PEX7: variants seen among roughly 807,000 people sequenced by gnomAD.
The protein encoded by PEX7 is peroxisomal biogenesis factor 7.
A neutral mutation model predicts 47.5 loss-of-function variants in PEX7; 34 were observed. The ratio of observed to expected loss-of-function variants is 0.72; its 90% CI spans 0.54 to 0.95. The LOEUF (loss-of-function observed/expected upper bound fraction) is 0.95, where lower values mean the gene tolerates loss of function less well. Among genes scored for constraint, PEX7 ranks in the 40% least tolerant of loss-of-function variants. PEX7 has a pLI of 0.00. For missense variants in PEX7, 394 were observed against 400.3 expected (o/e 0.98, Z 0.13); for synonymous variants, 141 against 148.8 (o/e 0.95, Z 0.38).
In PEX7 at chr6:136,900,792, C is replaced by T. The variant is rs1246354808; in HGVS notation, c.903+2551C>T. 2 of 328,434 alleles carry T rather than the reference C, an allele frequency of 6.1e-6. No homozygotes were observed. The highest frequency in any genetic ancestry group is 8.2e-5 in the Admixed American group (2 of 24,268). The allele number at this position is 328,434 out of a possible 1,614,324, so 20.3% of individuals were successfully genotyped here. ...CAGGTGGTCTCTTAGTGGGGACATC[C>T]CCTTTGCCAACAGCTTTCTTCTCAG... is the stretch of plus-strand genomic sequence containing the variant. On this transcript the variant is annotated intron_variant, in intron 9 of 9. Transcript: ENST00000318471. The surrounding 1 kb of genome is among the most constrained non-coding windows in gnomAD (Gnocchi z 4.2).
intron 3 of PEX7, among the ~76,000 whole-genome samples, chr6:136,832,547 A>G (rs1222563849): frequency 6.6e-6 from 1 of 152,182 alleles, no homozygotes; most frequent in African/African-American, 2.4e-5. Context: ...TTTCTTTTCT[A>G]CCTCATGGTT....
intron 8 of PEX7, 25 bp downstream of exon 8, chr6:136,872,278 A>G (rs1206518957): frequency 2.5e-6 from 4 of 1,570,684 alleles, no homozygotes; most frequent in Non-Finnish European, 3.5e-6. Context: ...AATACATTTC[A>G]TTGTGAAATA....
chr6:136,831,719 G>A (rs144428497), intron 3 of PEX7, among the ~76,000 whole-genome samples: 7,021 of 152,342 alleles, frequency 0.046, 192 homozygotes, highest in African/African-American at 0.087. Flanking sequence ...AAACAAAGGG[G>A]CCACAGGCCC....
intron 8 of PEX7, among the ~76,000 whole-genome samples, chr6:136,880,373 A>T (rs1775355450): frequency 6.6e-6 from 1 of 152,100 alleles, no homozygotes; most frequent in Non-Finnish European, 1.5e-5. Flanking sequence ...AATCTTTATT[A>T]TGCCTTTTTC....
intron 9 of PEX7, among the ~76,000 whole-genome samples, chr6:136,898,700 C>A (rs1366413480): frequency 1.3e-5 from 2 of 152,116 alleles, no homozygotes; most frequent in African/African-American, 2.4e-5. Context: ...TGATGGAGAA[C>A]AAGTAAAATA....
chr6:136,856,576 C>T (rs1383510706), intron 5 of PEX7, among the ~76,000 whole-genome samples: 1 of 152,170 alleles, frequency 6.6e-6, no homozygotes. Flanking sequence ...CATTTTCTGT[C>T]ATGGGCTCTG....
At position 136,900,541 on chromosome 6, in the gene PEX7, C is replaced by A; in HGVS notation, c.903+2300C>A. On this transcript the variant is annotated intron_variant, in intron 9 of 9. Coordinates refer to ENST00000318471, the MANE Select transcript of PEX7 (RefSeq NM_000288.4). This position sits in a 1 kb window ranked among gnomAD's most constrained non-coding sequence, Gnocchi z 4.2. ...AGCTTCCACCATCTTAGCCAAAGCCCTTTTGTCTTCCGAGTTAATCTGTGT... is the reference window on the plus strand; with the variant it reads ...AGCTTCCACCATCTTAGCCAAAGCCATTTTGTCTTCCGAGTTAATCTGTGT... The A allele has an allele frequency of 4.4e-6, 2 of 457,524 alleles. No individual in the cohort carries two copies. The highest frequency in any genetic ancestry group is 1.3e-4 in the East Asian group (2 of 15,498). The allele number at this position is 457,524 out of a possible 1,614,324, so 28.3% of individuals were successfully genotyped here.
At chr6:136,835,559 T>A (rs139853101) in intron 3 of PEX7, among the ~76,000 whole-genome samples, 2,792 of 152,248 alleles carry the variant, frequency 0.018, 94 homozygotes, top group African/African-American at 0.064. Context: ...AGTGCTAGGA[T>A]TACAGGCGTG....
chr6:136,900,613 C>A lies in PEX7; in HGVS notation c.903+2372C>A. ...CATCCTGTGAACCAGTCTTGCCTTT[C>A]CCTTGACAGCGCAGTCAGGGACCCC... On this transcript the variant is annotated intron_variant, in intron 9 of 9. Transcript: ENST00000318471. This position sits in a 1 kb window ranked among gnomAD's most constrained non-coding sequence, Gnocchi z 4.2. The A allele has an allele frequency of 2.8e-6, 1 of 355,696 alleles. No individual in the cohort carries two copies. Among genetic ancestry groups the A allele is most frequent in the Non-Finnish European group, 5.5e-6 (1 of 181,858 alleles). 22.0% of individuals were successfully genotyped at this position (355,696 alleles called of 1,614,324 possible).
intron 3 of PEX7, among the ~76,000 whole-genome samples, chr6:136,843,710 T>A (rs1287023767): frequency 1.3e-5 from 2 of 152,202 alleles, no homozygotes; most frequent in Non-Finnish European, 2.9e-5. Flanking sequence ...CTTTTTTCTA[T>A]CCATAACTAA....
chr6:136,857,053 A>G (rs931597858), intron 5 of PEX7, among the ~76,000 whole-genome samples: 15 of 152,222 alleles, frequency 9.9e-5, no homozygotes, highest in South Asian at 2.1e-4. Flanking sequence ...AAAAGATTCA[A>G]AGTTCTTCTT....
At chr6:136,857,476 T>C (rs1774880919) in intron 5 of PEX7, among the ~76,000 whole-genome samples, 1 of 152,220 alleles carries the variant, frequency 6.6e-6, no homozygotes, top group African/African-American at 2.4e-5. Context: ...ACAGATGGAG[T>C]TCCTGCACTC....
intron 9 of PEX7, among the ~76,000 whole-genome samples, chr6:136,907,286 T>G (rs368394727): frequency 5.3e-5 from 8 of 152,316 alleles, no homozygotes; most frequent in East Asian, 3.9e-4. Flanking sequence ...AAAAGGATTT[T>G]TTTAGTTTAT....
chr6:136,861,049 T>A (rs759864237), intron 5 of PEX7, among the ~76,000 whole-genome samples: 12 of 152,216 alleles, frequency 7.9e-5, no homozygotes, highest in Non-Finnish European at 1.6e-4. Flanking sequence ...AATCTCCTAG[T>A]CTGCATTCAT....
intron 5 of PEX7, among the ~76,000 whole-genome samples, chr6:136,860,974 G>A (rs1270644835): frequency 6.6e-6 from 1 of 152,050 alleles, no homozygotes; most frequent in Non-Finnish European, 1.5e-5. Flanking sequence ...TTTGTTACTG[G>A]TTTTTTTCAT....
chr6:136,858,629 G>A (rs1382490805), intron 5 of PEX7, among the ~76,000 whole-genome samples: 1 of 152,190 alleles, frequency 6.6e-6, no homozygotes, highest in Non-Finnish European at 1.5e-5. Flanking sequence ...AATTTGGGAA[G>A]CACTGTACTA....
intron 3 of PEX7, among the ~76,000 whole-genome samples, chr6:136,842,761 G>C (rs11964674): frequency 0.042 from 6,365 of 152,282 alleles, 149 homozygotes; most frequent in African/African-American, 0.073. Flanking sequence ...TGTGAGTTAT[G>C]TAACATTCTT....
chr6:136,824,062 A>C (rs1176357225), intron 1 of PEX7, among the ~76,000 whole-genome samples: 1 of 152,200 alleles, frequency 6.6e-6, no homozygotes, highest in Non-Finnish European at 1.5e-5. Context: ...AGCAGAAAAA[A>C]ATGTTACTTC....
At chr6:136,823,964 T>C (rs1168266722) in intron 1 of PEX7, among the ~76,000 whole-genome samples, 1 of 152,230 alleles carries the variant, frequency 6.6e-6, no homozygotes, top group African/African-American at 2.4e-5. Flanking sequence ...CCTTAATTCA[T>C]GTCCTAGCTA....
Sources: allele counts gnomAD v4.1 joint callset (sites outside exome capture counted in the v4.1 genomes callset), GRCh38; gene constraint gnomAD v4.1.1; non-coding constraint Gnocchi (gnomAD v3.1); transcripts MANE v1.5; gene names NCBI Gene and HGNC (gene_info 2026-07-23, HGNC 2026-07-21).